The following MYNN variants were observed in gnomAD, a reference collection of about 807,000 sequenced individuals.
The protein encoded by MYNN is myoneurin, also known as zinc finger and BTB domain-containing protein 31.
Under a neutral mutation model 57.2 loss-of-function variants are expected in MYNN, and 22 were observed. That is an observed-to-expected ratio of 0.38 (90% CI 0.27 to 0.55). The LOEUF is 0.55. Ranked by LOEUF, MYNN falls within the 20% of genes least tolerant of loss-of-function variation. The pLI, the probability that MYNN is intolerant of heterozygous loss-of-function variation, is 0.71. For missense variants in MYNN, 566 were observed against 723.1 expected (o/e 0.78, Z 2.49); for synonymous variants, 241 against 257.1 (o/e 0.94, Z 0.60).
intron 7 of MYNN, among the ~76,000 whole-genome samples, chr3:169,785,404 AGGCATAGTTCT>A (rs1778648937): frequency 6.6e-6 from 1 of 152,020 alleles, no homozygotes; most frequent in East Asian, 1.9e-4. Flanking sequence ...AAGTTAAACA[AGGCATAGTTCT>A]GGTACTCAAA....
At chr3:169,785,288 ATACT>A (rs1778644814) in intron 7 of MYNN, among the ~76,000 whole-genome samples, 2 of 152,000 alleles carry the variant, frequency 1.3e-5, no homozygotes, top group South Asian at 4.1e-4. Flanking sequence ...TGGTGTGTAA[ATACT>A]TAAACATCGT....
At chr3:169,774,205 C>T (rs374675135) in intron 1 of MYNN, 60 bp from the exon 2 acceptor site, 3 of 1,318,424 alleles carry the variant, frequency 2.3e-6, no homozygotes, top group Non-Finnish European at 1.1e-6. Context: ...TGTCCCTTCC[C>T]TCACTGAACG....
chr3:169,786,362 G>A (rs1778676607), intron 7 of MYNN, 54 bp from the exon 8 acceptor site: 1 of 1,521,436 alleles, frequency 6.6e-7, no homozygotes, highest in Non-Finnish European at 9.0e-7. Flanking sequence ...GTCTACCTCA[G>A]GGGTTTAGTT....
In MYNN at chr3:169,783,543, ACTTT is replaced by A; in HGVS notation, c.1468_1471del (p.Phe490GlyfsTer24). On this transcript the variant is annotated frameshift_variant, in exon 6 of 8. Coordinates refer to ENST00000349841, the MANE Select transcript of MYNN (RefSeq NM_018657.5). LOFTEE classifies it high-confidence loss of function. ...ATTTCCTCAGGAGAGCTCAACAAAC[ACTTT>A]CGGTCCCATACAGGTCTGTGTTTAG... is the stretch of plus-strand genomic sequence containing the variant. 1 of 1,610,306 alleles carries A rather than the reference ACTTT, an allele frequency of 6.2e-7. No individual in the cohort carries two copies. The highest frequency in any genetic ancestry group is 8.5e-7 in the Non-Finnish European group (1 of 1,177,116).
chr3:169,787,300 T>C lies in MYNN; in HGVS notation c.*622T>C, dbSNP rs1400165665. 1.3e-5 allele frequency: 2 copies of C among 152,124 alleles called. No homozygotes were observed. The highest frequency in any genetic ancestry group is 1.9e-4 in the East Asian group (1 of 5,204). The allele number at this position is 152,124 out of a possible 1,614,324, so 9.4% of individuals were successfully genotyped here. On this transcript the variant is annotated 3_prime_UTR_variant, in exon 8 of 8. Transcript: ENST00000349841. ...AAATTTTTGTTCATTTAGAACTGAG[T>C]ATTCTGGAGAAAACCAATGGTCAGC...
At chr3:169,784,776 T>C in intron 7 of MYNN, 68 bp downstream of exon 7, 1 of 984,358 alleles carries the variant, frequency 1.0e-6, no homozygotes, top group Non-Finnish European at 1.5e-6. Flanking sequence ...TGCTATTCCT[T>C]AAAATGCTGA....
chr3:169,778,487 TA>T (rs74310670), intron 2 of MYNN: 351 of 256,620 alleles, frequency 1.4e-3, no homozygotes, highest in East Asian at 2.0e-3. Context: ...TCTAGGGTTT[TA>T]AAAAAAAAGC....
chr3:169,789,390 A>G lies in MYNN; in HGVS notation c.*2712A>G, dbSNP rs987635640. The G allele has an allele frequency of 6.6e-6, 1 of 152,226 alleles. No individual in the cohort carries two copies. Among genetic ancestry groups the G allele is most frequent in the East Asian group, 1.9e-4 (1 of 5,198 alleles). 9.4% of individuals were successfully genotyped at this position (152,226 alleles called of 1,614,324 possible). A position where few individuals can be genotyped will look rare whatever the true frequency, so the allele number is the denominator to read the frequency against. Reference sequence around the variant, plus strand: ...ATAGTTCTAACATTTAATGCATATCAGAAACATGCTTAAGAAATAACAATA... The same window carrying G: ...ATAGTTCTAACATTTAATGCATATCGGAAACATGCTTAAGAAATAACAATA... On this transcript the variant is annotated 3_prime_UTR_variant, in exon 8 of 8. Coordinates refer to ENST00000349841, the MANE Select transcript of MYNN (RefSeq NM_018657.5).
At position 169,780,600 on chromosome 3, in the gene MYNN, A is replaced by G. The variant is rs1778481889; in HGVS notation, c.1071A>G (p.Pro357=). 6.2e-7 allele frequency: 1 copy of G among 1,601,032 alleles called. No homozygotes were observed. Among genetic ancestry groups the G allele is most frequent in the African/African-American group, 1.3e-5 (1 of 74,094 alleles). Reference sequence around the variant, plus strand: ...TTATTGTTCCTTTAGGTGAGAAGCCATACAAATGTGAATTGTGTGATAAAG... The same window carrying G: ...TTATTGTTCCTTTAGGTGAGAAGCCGTACAAATGTGAATTGTGTGATAAAG... ...THVRTHTGEK[P]YKCELCDKGF... The change falls in exon 4 of 8, where the codon CCA becomes CCG. Residue 357 remains proline, a synonymous_variant. Transcript: ENST00000349841.
At chr3:169,785,339 G>A (rs1778646510) in intron 7 of MYNN, among the ~76,000 whole-genome samples, 1 of 151,930 alleles carries the variant, frequency 6.6e-6, no homozygotes, top group South Asian at 2.1e-4. Flanking sequence ...ACTGCAGTAA[G>A]TCATTAATTT....
rs1778731634 is a variant in MYNN, at chr3:169,788,358, T to TA, written c.*1684dup. The stretch of plus-strand genomic sequence containing the variant: ...AGAAATCTATGCATGTGTATCAAGT[T>TA]AAAATAGTGGGTTTAAATACAATTT... On this transcript the variant is annotated 3_prime_UTR_variant, in exon 8 of 8. Transcript: ENST00000349841. 6.6e-6 allele frequency: 1 copy of TA among 152,154 alleles called. No homozygotes were observed. The highest frequency in any genetic ancestry group is 2.1e-4 in the South Asian group (1 of 4,834). 9.4% of individuals were successfully genotyped at this position (152,154 alleles called of 1,614,324 possible).
intron 3 of MYNN, 199 bp downstream of exon 3, chr3:169,779,760 G>GCAT: frequency 1.7e-6 from 1 of 576,788 alleles, no homozygotes; most frequent in Non-Finnish European, 3.0e-6. Context: ...AAGCCCTAAT[G>GCAT]CATCAACTCC....
chr3:169,775,079 C>T lies in MYNN; in HGVS notation c.266+518C>T, dbSNP rs574515625. Among the ~76,000 whole-genome samples, 130 of 152,230 alleles carry T rather than the reference C, an allele frequency of 8.5e-4. 1 individual carries two copies. Among genetic ancestry groups the T allele is most frequent in the African/African-American group, 3.0e-3 (125 of 41,532 alleles). On this transcript the variant is annotated intron_variant, in intron 2 of 7. Coordinates refer to ENST00000349841, the MANE Select transcript of MYNN (RefSeq NM_018657.5). ...GCAAACAAAAAATTCTAAGTTACTT[C>T]CAGTTTCCCATTGCTTTTTGGTCCT...
At chr3:169,777,403 G>A (rs1778380742) in intron 2 of MYNN, 3 of 152,092 alleles carry the variant, frequency 2.0e-5, no homozygotes, top group Admixed American at 6.5e-5. Context: ...ACAACAGAGA[G>A]GGAAAGAGAT....
At chr3:169,777,243 T>C (rs774471209) in intron 2 of MYNN, 2 of 152,240 alleles carry the variant, frequency 1.3e-5, no homozygotes, top group Non-Finnish European at 2.9e-5. Context: ...TAGAGATTTG[T>C]AGATACTGTA....
At chr3:169,780,559 C>G in intron 3 of MYNN, 31 bp from the exon 4 acceptor site, 6 of 1,526,918 alleles carry the variant, frequency 3.9e-6, no homozygotes, top group Non-Finnish European at 5.3e-6. Context: ...ACACTATTTT[C>G]TTCTAAATAT....
rs1778769577 is a variant in MYNN, at chr3:169,789,703, T to G, written c.*3025T>G. The G allele has an allele frequency of 6.6e-6, 1 of 152,258 alleles. No individual in the cohort carries two copies. Among genetic ancestry groups the G allele is most frequent in the Admixed American group, 6.6e-5 (1 of 15,266 alleles). 9.4% of individuals were successfully genotyped at this position (152,258 alleles called of 1,614,324 possible). On this transcript the variant is annotated 3_prime_UTR_variant, in exon 8 of 8. Transcript: ENST00000349841. ...TCTGTTGGCCAGGCTGGTCTCGAAC[T>G]CCTGACCTCAGGTGATCTGCCCACC...
chr3:169,776,936 A>T (rs370156352), intron 2 of MYNN, among the ~76,000 whole-genome samples: 131 of 152,250 alleles, frequency 8.6e-4, no homozygotes, highest in African/African-American at 3.1e-3. Context: ...TCCTGACCTC[A>T]GGTGATGCGC....
rs766858445 is a variant in MYNN, at chr3:169,779,296, A to G, written c.795A>G (p.Pro265=). 3.1e-6 allele frequency: 5 copies of G among 1,614,088 alleles called. No homozygotes were observed. The highest frequency in any genetic ancestry group is 4.2e-6 in the Non-Finnish European group (5 of 1,180,056). The change falls in exon 3 of 8, where the codon CCA becomes CCG. Residue 265 remains proline, a synonymous_variant. Transcript: ENST00000349841. The part of the protein sequence containing the change: ...TVKRKRGKSQ[P]NCALKEHSMS... Reference sequence around the variant, plus strand: ...AACGGAAACGTGGAAAATCACAGCCAAACTGTGCTCTGAAAGAACACTCTA... The same window carrying G: ...AACGGAAACGTGGAAAATCACAGCCGAACTGTGCTCTGAAAGAACACTCTA...
Sources: allele counts gnomAD v4.1 joint callset (sites outside exome capture counted in the v4.1 genomes callset), GRCh38; gene constraint gnomAD v4.1.1; transcripts MANE v1.5; gene names NCBI Gene and HGNC (gene_info 2026-07-23, HGNC 2026-07-21).